Variants in CERS3 observed in about 807,000 individuals in gnomAD.
CERS3 encodes the protein LAG1 homolog, ceramide synthase 3.
In CERS3, 33 loss-of-function variants were observed where a neutral mutation model predicts 50.3. The ratio of observed to expected loss-of-function variants is 0.66; its 90% CI spans 0.50 to 0.88. CERS3 has a LOEUF of 0.88. CERS3 is among the 40% of genes least tolerant of loss of function. The pLI, the probability that CERS3 is intolerant of heterozygous loss-of-function variation, is 0.00. For missense variants in CERS3, 470 were observed against 460.3 expected (o/e 1.02, Z -0.19); for synonymous variants, 176 against 155.2 (o/e 1.13, Z -0.99).
At chr15:100,538,182 C>G (rs2037117912) in intron 1 of CERS3, among the ~76,000 whole-genome samples, 1 of 152,204 alleles carries the variant, frequency 6.6e-6, no homozygotes, top group African/African-American at 2.4e-5. Flanking sequence ...TACAGCCCTG[C>G]TCCCAGCTGT....
At chr15:100,463,087 G>C (rs2034603351) in intron 10 of CERS3, among the ~76,000 whole-genome samples, 1 of 152,172 alleles carries the variant, frequency 6.6e-6, no homozygotes, top group Admixed American at 6.5e-5. Context: ...GAGAGAGAAG[G>C]AATGACAAAG....
rs148125023 is a variant in CERS3 at position 100,460,911 on chromosome 15, G to T, written c.846-4865C>A. Among the ~76,000 whole-genome samples, 287 of 152,302 alleles carry T rather than the reference G, an allele frequency of 1.9e-3. 1 individual carries two copies. Among genetic ancestry groups the T allele is most frequent in the Non-Finnish European group, 3.6e-3 (244 of 68,016 alleles). On this transcript the variant is annotated intron_variant, in intron 10 of 11. Transcript: ENST00000679737. ...AGAAAATGACAGGGCATATGGCAGG[G>T]TTCTACATGTACAAAGGCTGTCAAG...
At chr15:100,509,845 T>G (rs1287464910) in intron 2 of CERS3, among the ~76,000 whole-genome samples, 1 of 152,192 alleles carries the variant, frequency 6.6e-6, no homozygotes, top group African/African-American at 2.4e-5. Flanking sequence ...TAGAATGCAT[T>G]TTTGAACACT....
chr15:100,446,978 T>C (rs1306295175), intron 11 of CERS3, among the ~76,000 whole-genome samples: 1 of 152,208 alleles, frequency 6.6e-6, no homozygotes, highest in Non-Finnish European at 1.5e-5. Context: ...CATCACATAA[T>C]AGATAGCAGC....
intron 2 of CERS3, among the ~76,000 whole-genome samples, chr15:100,506,863 G>A (rs887142034): frequency 1.3e-5 from 2 of 152,226 alleles, no homozygotes; most frequent in Admixed American, 6.5e-5. Flanking sequence ...TGAATGTGGT[G>A]TTGGTTGCAC....
At chr15:100,424,093 C>A (rs145922853) in intron 11 of CERS3, among the ~76,000 whole-genome samples, 1 of 152,110 alleles carries the variant, frequency 6.6e-6, no homozygotes, top group South Asian at 2.1e-4. Context: ...AGGTATGCAC[C>A]ACCATGCTCA....
intron 2 of CERS3, among the ~76,000 whole-genome samples, chr15:100,507,869 G>A (rs915858910): frequency 1.3e-5 from 2 of 152,252 alleles, no homozygotes; most frequent in Non-Finnish European, 2.9e-5. Flanking sequence ...AAAGATAGTC[G>A]CGGTCTCTCA....
At chr15:100,533,875 A>C (rs1470467760), upstream of CERS3, among the ~76,000 whole-genome samples, 2 of 151,938 alleles carry the variant, frequency 1.3e-5, no homozygotes, top group African/African-American at 2.4e-5. Context: ...TTCTTTCAAA[A>C]CTTGAAGTCA....
Position 100,494,402 on chromosome 15 carries a change from C to T in CERS3, c.174-3471G>A, listed in dbSNP as rs372772813. On this transcript the variant is annotated intron_variant, in intron 3 of 11. Transcript: ENST00000679737. Reference sequence around the variant, plus strand: ...AGCTGGGACTACAGGTGCCTACCACCACGCCCAGCTAATTTTTTTTATTTT... The same window carrying T: ...AGCTGGGACTACAGGTGCCTACCACTACGCCCAGCTAATTTTTTTTATTTT... Among the ~76,000 whole-genome samples, 17 of 151,638 alleles carry T rather than the reference C, an allele frequency of 1.1e-4. No individual in the cohort carries two copies. In the South Asian group the frequency reaches 2.7e-3, roughly 24 times the overall value.
chr15:100,426,672 A>C (rs2587829), intron 11 of CERS3, among the ~76,000 whole-genome samples: 128,265 of 152,216 alleles, frequency 0.84, 54,380 homozygotes, highest in Middle Eastern at 0.9. Flanking sequence ...TGAATACTGT[A>C]TAACTGTAGA....
intron 11 of CERS3, among the ~76,000 whole-genome samples, chr15:100,405,589 A>G (rs1264339858): frequency 6.6e-6 from 1 of 152,228 alleles, no homozygotes; most frequent in African/African-American, 2.4e-5. Context: ...GTTAGTTTCA[A>G]AATATGATCT....
At chr15:100,486,123 G>A (rs2035475424) in intron 4 of CERS3, among the ~76,000 whole-genome samples, 1 of 152,118 alleles carries the variant, frequency 6.6e-6, no homozygotes, top group African/African-American at 2.4e-5. Context: ...TAAAAATGTT[G>A]ACCAATCCCT....
intron 2 of CERS3, among the ~76,000 whole-genome samples, chr15:100,512,074 C>T (rs1331389591): frequency 3.6e-5 from 5 of 137,978 alleles, no homozygotes; most frequent in South Asian, 2.4e-4. Context: ...CGTAAGTCCA[C>T]TGGGAGCCTG....
chr15:100,406,637 GC>G (rs1442406860), intron 11 of CERS3, among the ~76,000 whole-genome samples: 1 of 152,094 alleles, frequency 6.6e-6, no homozygotes, highest in East Asian at 1.9e-4. Context: ...AGAAAGGCAA[GC>G]TTTCTCTGAT....
chr15:100,421,542 C>G (rs907275809), intron 11 of CERS3, among the ~76,000 whole-genome samples: 1 of 150,818 alleles, frequency 6.6e-6, no homozygotes, highest in African/African-American at 2.4e-5. Flanking sequence ...CCATCCCCAT[C>G]AAGCTACCAA....
At chr15:100,543,655 C>G (rs1042746018) in intron 1 of CERS3, among the ~76,000 whole-genome samples, 3 of 151,840 alleles carry the variant, frequency 2.0e-5, no homozygotes, top group Non-Finnish European at 4.4e-5. Flanking sequence ...TCAGCCTCCC[C>G]AGTAGCTGGG....
chr15:100,519,867 G>C (rs2036591557), intron 2 of CERS3, among the ~76,000 whole-genome samples: 1 of 152,218 alleles, frequency 6.6e-6, no homozygotes, highest in African/African-American at 2.4e-5. Flanking sequence ...AGTGCCAACT[G>C]TGTACCAGGA....
intron 1 of CERS3, among the ~76,000 whole-genome samples, chr15:100,540,300 T>G (rs2037168493): frequency 6.6e-6 from 1 of 152,208 alleles, no homozygotes; most frequent in Admixed American, 6.5e-5. Flanking sequence ...CCCAGCACTT[T>G]GGGAAGCCGA....
At chr15:100,515,513 C>T (rs74039514) in intron 2 of CERS3, among the ~76,000 whole-genome samples, 3,418 of 152,160 alleles carry the variant, frequency 0.022, 146 homozygotes, top group African/African-American at 0.078. Flanking sequence ...TGCCAAAGGC[C>T]CACTCAGGAC....
Sources: allele counts gnomAD v4.1 joint callset (sites outside exome capture counted in the v4.1 genomes callset), GRCh38; gene constraint gnomAD v4.1.1; transcripts MANE v1.5; gene names NCBI Gene and HGNC (gene_info 2026-07-23, HGNC 2026-07-21).